PITPNM2: variants seen among roughly 807,000 people sequenced by gnomAD.
PITPNM2 encodes phosphatidylinositol transfer protein membrane associated 2.
Under a neutral mutation model 132.2 loss-of-function variants are expected in PITPNM2, and 35 were observed. That is an observed-to-expected ratio of 0.26 (90% CI 0.20 to 0.35). The LOEUF (loss-of-function observed/expected upper bound fraction) is 0.35, where lower values mean the gene tolerates loss of function less well. PITPNM2 is among the 10% of genes least tolerant of loss of function. PITPNM2 has a pLI of 1.00. For synonymous variants in PITPNM2, 738 were observed against 799.2 expected, an observed-to-expected ratio of 0.92 and a Z score of 1.29; for missense variants, 1,332 against 1,912.0, an observed-to-expected ratio of 0.70 and a Z score of 5.66.
chr12:123,012,900 C>G (rs942104173), intron 4 of PITPNM2, among the ~76,000 whole-genome samples, 166 bp from the exon 5 acceptor site: 12 of 152,150 alleles, frequency 7.9e-5, no homozygotes, highest in Non-Finnish European at 1.3e-4. Flanking sequence ...TGGATCGCCA[C>G]TTTGTCCCAA....
rs1038009565 is a variant in PITPNM2 at position 123,108,737 on chromosome 12, T to TA, written c.-96+1647dup. Among the ~76,000 whole-genome samples the TA allele has an allele frequency of 1.3e-5, 2 of 152,104 alleles. No individual in the cohort carries two copies. The highest frequency in any genetic ancestry group is 4.8e-5 in the African/African-American group (2 of 41,410). ...GAAAAGAATGAGCAATTAGAGAAGA[T>TA]AACAGTCCACGGTGCCAGCCTGGAA... On this transcript the variant is annotated intron_variant, in intron 2 of 25. Coordinates refer to ENST00000320201, the MANE Select transcript of PITPNM2 (RefSeq NM_020845.3). This position sits in a 1 kb window ranked among gnomAD's most constrained non-coding sequence, Gnocchi z 4.4.
In PITPNM2 at chr12:122,997,631, C is replaced by A. The variant is rs2038488218; in HGVS notation, c.1225-59G>T. ...GGGAACCCAGCTCCTTGCTGAGGCC[C>A]CTCTGTCACCCTTGTTGGGGGTGTG... On this transcript the variant is annotated intron_variant, in intron 10 of 25. Transcript: ENST00000320201. 10 of 1,571,182 alleles carry A rather than the reference C, an allele frequency of 6.4e-6. No homozygotes were observed. The Admixed American group carries it at 1.0e-4, about 16-fold the overall frequency.
rs773329601 is a variant in PITPNM2, at chr12:122,994,564, C to A, written c.2233+237G>T. On this transcript the variant is annotated intron_variant, in intron 15 of 25. Transcript: ENST00000320201. This position sits in a 1 kb window ranked among gnomAD's most constrained non-coding sequence, Gnocchi z 5.4. Reference sequence around the variant, plus strand: ...TCAGCTTGCCCATCTAGGGGTTGACCCTCAGCATCCACAGGCACCCCGGAG... The same window carrying A: ...TCAGCTTGCCCATCTAGGGGTTGACACTCAGCATCCACAGGCACCCCGGAG... 1.3e-5 allele frequency among the ~76,000 whole-genome samples: 2 copies of A among 152,166 alleles called. No homozygotes were observed. The highest frequency in any genetic ancestry group is 6.5e-5 in the Admixed American group (1 of 15,290).
Position 123,097,625 on chromosome 12 carries a change from C to G in PITPNM2, c.-96+12760G>C, listed in dbSNP as rs1026385967. On this transcript the variant is annotated intron_variant, in intron 2 of 25. Transcript: ENST00000320201. This position sits in a 1 kb window ranked among gnomAD's most constrained non-coding sequence, Gnocchi z 4.7. ...TAGCCAAGCAGCCTGTCCGCACGCT[C>G]TCCAGTGCAGCCTGCCTCACTTGCC... Among the ~76,000 whole-genome samples, 2 of 152,234 alleles carry G rather than the reference C, an allele frequency of 1.3e-5. No individual in the cohort carries two copies. Among genetic ancestry groups the G allele is most frequent in the Admixed American group, 1.3e-4 (2 of 15,290 alleles).
chr12:123,067,453 TCACACACACACACACACACACA>T (rs55716436), intron 2 of PITPNM2, among the ~76,000 whole-genome samples: 3 of 136,744 alleles, frequency 2.2e-5, no homozygotes, highest in East Asian at 2.2e-4. Context: ...TGAAACTCCA[TCACACACACACACACACACACA>T]CACACACACA....
chr12:123,009,705 TG>T lies in PITPNM2; in HGVS notation c.643+144del. On this transcript the variant is annotated intron_variant, in intron 6 of 25. Coordinates refer to ENST00000320201, the MANE Select transcript of PITPNM2 (RefSeq NM_020845.3). The surrounding 1 kb of genome is among the most constrained non-coding windows in gnomAD (Gnocchi z 4.8). The stretch of plus-strand genomic sequence containing the variant: ...TGGCGGGTAGTGGGGAAGCTGGACA[TG>T]GGCTTTGGTGTCACCTTCCCAGAAC... The T allele has an allele frequency of 1.3e-6, 1 of 742,866 alleles. No individual in the cohort carries two copies. The highest frequency in any genetic ancestry group is 2.3e-6 in the Non-Finnish European group (1 of 443,586). The allele number at this position is 742,866 out of a possible 1,614,324, so 46.0% of individuals were successfully genotyped here. A position where few individuals can be genotyped will look rare whatever the true frequency, so the allele number is the denominator to read the frequency against.
chr12:123,027,897 C>T (rs1292700751), intron 3 of PITPNM2, among the ~76,000 whole-genome samples: 2 of 152,218 alleles, frequency 1.3e-5, no homozygotes, highest in African/African-American at 4.8e-5. Context: ...CCTCCTGGCA[C>T]AGCTACTCAG....
chr12:123,046,280 C>G (rs1453955184), intron 2 of PITPNM2, among the ~76,000 whole-genome samples: 1 of 152,146 alleles, frequency 6.6e-6, no homozygotes, highest in African/African-American at 2.4e-5. Flanking sequence ...AGCCCCCACC[C>G]TCTGGCAGGC....
intron 10 of PITPNM2, among the ~76,000 whole-genome samples, chr12:122,997,864 T>C (rs1254308436): frequency 6.6e-6 from 1 of 152,132 alleles, no homozygotes; most frequent in Non-Finnish European, 1.5e-5. Flanking sequence ...ACAGAGGACA[T>C]GGAGGGAGGG....
intron 2 of PITPNM2, among the ~76,000 whole-genome samples, chr12:123,068,109 CAT>C (rs2041488355): frequency 6.6e-6 from 1 of 152,236 alleles, no homozygotes; most frequent in South Asian, 2.1e-4. Flanking sequence ...CACCTCCCCA[CAT>C]GGTACCTGAA....
intron 17 of PITPNM2, 121 bp downstream of exon 17, chr12:122,990,424 C>T: frequency 7.1e-7 from 1 of 1,398,956 alleles, no homozygotes; most frequent in Non-Finnish European, 9.6e-7. Context: ...CCACCAGGTG[C>T]CAGCAGCAGC....
intron 2 of PITPNM2, among the ~76,000 whole-genome samples, chr12:123,073,427 T>A (rs1015933341): frequency 6.6e-6 from 1 of 152,062 alleles, no homozygotes; most frequent in Non-Finnish European, 1.5e-5. Flanking sequence ...AACAACAGCC[T>A]ACCATTCGCC....
intron 1 of PITPNM2, among the ~76,000 whole-genome samples, chr12:123,118,613 A>G (rs1490382371): frequency 6.6e-6 from 1 of 152,168 alleles, no homozygotes; most frequent in Non-Finnish European, 1.5e-5. Flanking sequence ...TTCTGAGGGG[A>G]ATGTCCACGG....
chr12:123,038,885 A>G (rs2040367270), intron 2 of PITPNM2, among the ~76,000 whole-genome samples: 1 of 152,218 alleles, frequency 6.6e-6, no homozygotes, highest in Non-Finnish European at 1.5e-5. Context: ...GGATTACCTG[A>G]GCCCAGGAGT....
At position 123,078,683 on chromosome 12, in the gene PITPNM2, G is replaced by C. The variant is rs1306238769; in HGVS notation, c.-96+31702C>G. 6.6e-6 allele frequency among the ~76,000 whole-genome samples: 1 copy of C among 152,232 alleles called. No individual in the cohort carries two copies. The highest frequency in any genetic ancestry group is 1.5e-5 in the Non-Finnish European group (1 of 68,038). On this transcript the variant is annotated intron_variant, in intron 2 of 25. Transcript: ENST00000320201. This position sits in a 1 kb window ranked among gnomAD's most constrained non-coding sequence, Gnocchi z 7.3. Reference sequence around the variant, plus strand: ...GCTCCGATGGCCCAGTGCCACCCATGTGGGAAGCAGAGGAGAAGGGAGGCT... The same window carrying C: ...GCTCCGATGGCCCAGTGCCACCCATCTGGGAAGCAGAGGAGAAGGGAGGCT...
intron 2 of PITPNM2, among the ~76,000 whole-genome samples, chr12:123,035,495 G>C (rs1267453140): frequency 1.3e-5 from 2 of 151,998 alleles, no homozygotes; most frequent in Admixed American, 6.6e-5. Flanking sequence ...GTGAAACCCC[G>C]TCTCTACTAA....
rs1025938225 is a variant in PITPNM2, at chr12:122,993,479, CA to C, written c.2234-811del. 6.6e-6 allele frequency among the ~76,000 whole-genome samples: 1 copy of C among 152,240 alleles called. No homozygotes were observed. Among genetic ancestry groups the C allele is most frequent in the Admixed American group, 6.5e-5 (1 of 15,276 alleles). ...CCTTCTGAACTTTGCCTTTTCCTCC[CA>C]TTTAACACAAAAAATGTTGGCGTCT... On this transcript the variant is annotated intron_variant, in intron 15 of 25. Coordinates refer to ENST00000320201, the MANE Select transcript of PITPNM2 (RefSeq NM_020845.3). The surrounding 1 kb of genome is among the most constrained non-coding windows in gnomAD (Gnocchi z 5.2).
chr12:123,108,616 GA>G lies in PITPNM2; in HGVS notation c.-96+1768del, dbSNP rs748416347. 1.9e-4 allele frequency among the ~76,000 whole-genome samples: 29 copies of G among 152,296 alleles called. No homozygotes were observed. The highest frequency in any genetic ancestry group is 3.5e-4 in the Non-Finnish European group (24 of 68,038). On this transcript the variant is annotated intron_variant, in intron 2 of 25. Transcript: ENST00000320201. The surrounding 1 kb of genome is among the most constrained non-coding windows in gnomAD (Gnocchi z 4.4). ...CCCTACATCCACTCCCAGTAGCTGG[GA>G]CACCTTGGAAAGTGAATTAAAACAA...
chr12:123,018,284 TTTTC>T (rs1352811198), intron 3 of PITPNM2, among the ~76,000 whole-genome samples: 1 of 118,764 alleles, frequency 8.4e-6, no homozygotes, highest in African/African-American at 2.7e-5. Context: ...TTCTTTTCTT[TTTTC>T]TTTTCTTTTT....
Sources: gnomAD v4.1 joint callset for allele counts (sites outside exome capture counted in the v4.1 genomes callset) on GRCh38, gnomAD v4.1.1 for gene constraint, Gnocchi (gnomAD v3.1) non-coding constraint, MANE v1.5 for transcripts, NCBI Gene and HGNC (gene_info 2026-07-23, HGNC 2026-07-21) for gene names.